TPTE2: variants seen among roughly 807,000 people sequenced by gnomAD.
TPTE2 encodes phosphatidylinositol 3,4,5-trisphosphate 3-phosphatase TPTE2.
In TPTE2, 53 loss-of-function variants were observed where a neutral mutation model predicts 78.6. The observed-to-expected ratio is 0.67, with a 90% CI of 0.54 to 0.85. TPTE2 has a LOEUF of 0.85. TPTE2 is among the 40% of genes least tolerant of loss of function. The pLI is 0.00. For missense variants in TPTE2, 461 were observed against 623.0 expected (o/e 0.74, Z 2.77); for synonymous variants, 175 against 206.2 (o/e 0.85, Z 1.30).
chr13:19,498,537 C>A (rs1185774393), intron 1 of TPTE2, among the ~76,000 whole-genome samples: 4 of 151,778 alleles, frequency 2.6e-5, no homozygotes, highest in Non-Finnish European at 5.9e-5. Flanking sequence ...AATTTCATAT[C>A]CAGCCAAACT....
At chr13:19,483,027 CA>C (rs977392501) in intron 3 of TPTE2, among the ~76,000 whole-genome samples, 7 of 152,084 alleles carry the variant, frequency 4.6e-5, no homozygotes, top group African/African-American at 1.2e-4. Flanking sequence ...GCATTATGTT[CA>C]AAAAACTTAT....
chr13:19,520,055 T>C (rs1201526460), intron 1 of TPTE2, among the ~76,000 whole-genome samples: 1 of 152,156 alleles, frequency 6.6e-6, no homozygotes, highest in Non-Finnish European at 1.5e-5. Context: ...TCATTGCTAA[T>C]GTTTCTAAAT....
chr13:19,493,608 CTATT>C (rs1690705005), intron 1 of TPTE2, 107 bp from the exon 5 acceptor site: 1 of 991,406 alleles, frequency 1.0e-6, no homozygotes, highest in Non-Finnish European at 1.6e-6. Flanking sequence ...TAATTTCTGA[CTATT>C]CATGTATACA....
chr13:19,497,041 C>A (rs549884251), intron 1 of TPTE2, among the ~76,000 whole-genome samples: 4 of 152,136 alleles, frequency 2.6e-5, no homozygotes, highest in Admixed American at 6.5e-5. Context: ...GGGTGACAGA[C>A]GGCACCTGGA....
chr13:19,534,350 A>C, intron 1 of TPTE2, among the ~76,000 whole-genome samples: 1 of 152,196 alleles, frequency 6.6e-6, no homozygotes, highest in East Asian at 1.9e-4. Context: ...AAAGCATCAT[A>C]AGCCCCAGAC....
At chr13:19,523,771 C>T (rs911773687) in intron 1 of TPTE2, among the ~76,000 whole-genome samples, 3 of 152,058 alleles carry the variant, frequency 2.0e-5, no homozygotes. Flanking sequence ...ATGCCCAGCC[C>T]CAAATACACT....
chr13:19,491,058 C>G (rs1245146480), intron 3 of TPTE2, among the ~76,000 whole-genome samples: 1 of 152,186 alleles, frequency 6.6e-6, no homozygotes, highest in African/African-American at 2.4e-5. Flanking sequence ...AGAAATAAGA[C>G]TTTAGAAAAC....
At position 19,494,523 on chromosome 13, in the gene TPTE2, C is replaced by T. The variant is rs1183904159; in HGVS notation, c.12-1022G>A. 2.0e-5 allele frequency among the ~76,000 whole-genome samples: 3 copies of T among 152,160 alleles called. No homozygotes were observed. The East Asian group carries it at 5.8e-4, about 29-fold the overall frequency. On this transcript the variant is annotated intron_variant, in intron 1 of 19. Transcript: ENST00000400230. ...CCCAAGGTTCAATCGATTCTCCTGCCTCACCCTCCTGAGGAGCTGGGATTA... is the reference window on the plus strand; with the variant it reads ...CCCAAGGTTCAATCGATTCTCCTGCTTCACCCTCCTGAGGAGCTGGGATTA...
At chr13:19,494,388 T>C (rs1881187401) in intron 1 of TPTE2, among the ~76,000 whole-genome samples, 1 of 152,178 alleles carries the variant, frequency 6.6e-6, no homozygotes, top group South Asian at 2.1e-4. Context: ...TTTGTGTGTG[T>C]GTGTACATCT....
intron 19 of TPTE2, 46 bp downstream of exon 22, chr13:19,424,901 A>G: frequency 8.6e-7 from 1 of 1,158,326 alleles, no homozygotes; most frequent in Non-Finnish European, 1.2e-6. Context: ...TTATTTATAG[A>G]CATTGAAGAT....
At chr13:19,501,903 T>C (rs1251775780) in intron 1 of TPTE2, among the ~76,000 whole-genome samples, 22 of 148,192 alleles carry the variant, frequency 1.5e-4, no homozygotes, top group South Asian at 1.3e-3. Flanking sequence ...ACTCATCTGA[T>C]AAAGGGCTAA....
At chr13:19,528,387 CAA>C (rs757445665) in intron 1 of TPTE2, among the ~76,000 whole-genome samples, 6 of 109,206 alleles carry the variant, frequency 5.5e-5, no homozygotes, top group African/African-American at 6.5e-5. Context: ...AACTCCATCT[CAA>C]AAAAAAAAAA....
At chr13:19,459,185 T>C (rs544441428) in intron 10 of TPTE2, among the ~76,000 whole-genome samples, 182 of 152,340 alleles carry the variant, frequency 1.2e-3, no homozygotes, top group Middle Eastern at 6.8e-3. Context: ...GTTGAGATTT[T>C]TTTTCATATT....
At position 19,493,638 on chromosome 13, in the gene TPTE2, G is replaced by A. The variant is rs747617399; in HGVS notation, c.12-137C>T. 4 of 800,746 alleles carry A rather than the reference G, an allele frequency of 5.0e-6. 1 individual carries two copies. In the South Asian group the frequency reaches 5.5e-5, roughly 11 times the overall value. The allele number at this position is 800,746 out of a possible 1,614,324, so 49.6% of individuals were successfully genotyped here. ...CATGTATACAGCACTATTGGAACCT[G>A]GAATGTCTATTTTTCTTTATTAGAA... is the stretch of plus-strand genomic sequence containing the variant. On this transcript the variant is annotated intron_variant, in intron 1 of 19. Coordinates refer to ENST00000400230, the Ensembl canonical transcript of TPTE2.
the TPTE2 span, chr13:19,560,763 C>A: frequency 1.4e-6 from 2 of 1,470,854 alleles, no homozygotes; most frequent in Non-Finnish European, 1.9e-6. Flanking sequence ...GGAAGGCGCC[C>A]GGGAAGGGCA....
In TPTE2 at chr13:19,482,470, A is replaced by G; in HGVS notation, c.179+18T>C. The G allele has an allele frequency of 6.2e-7, 1 of 1,610,772 alleles. No individual in the cohort carries two copies. The highest frequency in any genetic ancestry group is 8.5e-7 in the Non-Finnish European group (1 of 1,178,438). ...ATCCATCAATGGCTCCCTCCTTTCA[A>G]ACTTCAAACTGACTTACTCATATGA... On this transcript the variant is annotated intron_variant, in intron 4 of 19. Coordinates refer to ENST00000400230, the Ensembl canonical transcript of TPTE2.
At chr13:19,552,159 GT>G in the TPTE2 span, among the ~76,000 whole-genome samples, 183 of 152,280 alleles carry the variant, frequency 1.2e-3, 2 homozygotes, top group Non-Finnish European at 5.6e-4. Flanking sequence ...TAGTGCAATG[GT>G]TTTATGACTA....
the TPTE2 span, among the ~76,000 whole-genome samples, chr13:19,542,169 T>A: frequency 1.3e-5 from 2 of 152,180 alleles, no homozygotes; most frequent in African/African-American, 4.8e-5. Context: ...TAAATATTTT[T>A]TTTAGATACA....
the TPTE2 span, among the ~76,000 whole-genome samples, chr13:19,546,352 G>A: frequency 7.9e-5 from 12 of 152,192 alleles, no homozygotes; most frequent in South Asian, 2.1e-3. Flanking sequence ...GCCTTCAAGA[G>A]AGTGGAACTG....
Sources: gnomAD v4.1 joint callset for allele counts (sites outside exome capture counted in the v4.1 genomes callset) on GRCh38, gnomAD v4.1.1 for gene constraint, MANE v1.5 for transcripts, NCBI Gene and HGNC (gene_info 2026-07-23, HGNC 2026-07-21) for gene names.